MSH3: variants seen among roughly 807,000 people sequenced by gnomAD.
The protein encoded by MSH3 is mutS homolog 3, also known as DNA mismatch repair protein Msh3.
A neutral mutation model predicts 123.3 loss-of-function variants in MSH3; 106 were observed. The ratio of observed to expected loss-of-function variants is 0.86; its 90% confidence interval spans 0.73 to 1.01. MSH3 has a LOEUF of 1.01. Among genes scored for constraint, MSH3 ranks in the 50% least tolerant of loss-of-function variants. The probability of loss-of-function intolerance (pLI) is 0.00; values close to 1 mark genes in which losing one functional copy is unlikely to be tolerated. For missense variants in MSH3, 1,459 were observed against 1,347.6 expected, an observed-to-expected ratio of 1.08 and a Z score of -1.29; for synonymous variants, 515 against 481.4, an observed-to-expected ratio of 1.07 and a Z score of -0.91.
chr5:80,850,176 A>T (rs933979984), intron 20 of MSH3, among the ~76,000 whole-genome samples: 11 of 152,118 alleles, frequency 7.2e-5, no homozygotes, highest in African/African-American at 2.7e-4. Flanking sequence ...ATCTGAGACC[A>T]CCTCAGCCTG....
intron 12 of MSH3, among the ~76,000 whole-genome samples, chr5:80,750,737 A>G (rs1482191667): frequency 6.6e-6 from 1 of 152,062 alleles, no homozygotes; most frequent in Non-Finnish European, 1.5e-5. Flanking sequence ...ATGCAATCCC[A>G]TTCGTCTGTT....
intron 1 of MSH3, 112 bp downstream of exon 1, chr5:80,655,076 G>A (rs1387020204): frequency 3.2e-6 from 2 of 628,592 alleles, no homozygotes; most frequent in Non-Finnish European, 5.1e-6. Flanking sequence ...GGAGGAGGAA[G>A]GGGCGGGCTG....
At chr5:80,740,450 C>T (rs556565687) in intron 10 of MSH3, among the ~76,000 whole-genome samples, 29 of 151,918 alleles carry the variant, frequency 1.9e-4, no homozygotes, top group Middle Eastern at 3.4e-3. Context: ...CTCCGCCTCC[C>T]GGGTTCAAGC....
intron 20 of MSH3, among the ~76,000 whole-genome samples, chr5:80,823,345 G>A (rs772090377): frequency 2.0e-4 from 30 of 152,130 alleles, no homozygotes; most frequent in Non-Finnish European, 3.8e-4. Context: ...ATGCTTACAT[G>A]GTCACTGTCT....
At chr5:80,661,008 A>G (rs1472230091) in intron 2 of MSH3, among the ~76,000 whole-genome samples, 3 of 152,090 alleles carry the variant, frequency 2.0e-5, no homozygotes, top group African/African-American at 4.8e-5. Flanking sequence ...CATGTTGGCC[A>G]TGTTGGTCTT....
At chr5:80,686,896 G>T (rs1750105555) in intron 8 of MSH3, among the ~76,000 whole-genome samples, 1 of 152,132 alleles carries the variant, frequency 6.6e-6, no homozygotes, top group Non-Finnish European at 1.5e-5. Context: ...CAAAAGAATG[G>T]CTTGGAATTG....
At chr5:80,766,463 G>GC (rs1390007386) in intron 13 of MSH3, among the ~76,000 whole-genome samples, 3 of 146,350 alleles carry the variant, frequency 2.0e-5, no homozygotes, top group Non-Finnish European at 4.5e-5. Context: ...CTCCTGCCTC[G>GC]CCACCTGAGT....
intron 8 of MSH3, among the ~76,000 whole-genome samples, chr5:80,689,748 A>G (rs1009007264): frequency 7.5e-6 from 1 of 133,356 alleles, no homozygotes; most frequent in Admixed American, 7.6e-5. Flanking sequence ...ATTTTATTTT[A>G]TTTTATTTTG....
At chr5:80,810,241 A>G (rs1428638258) in intron 19 of MSH3, among the ~76,000 whole-genome samples, 2 of 147,666 alleles carry the variant, frequency 1.4e-5, no homozygotes, top group Admixed American at 6.8e-5. Flanking sequence ...AAAAAGGTAC[A>G]TTAATGTCTC....
intron 13 of MSH3, among the ~76,000 whole-genome samples, chr5:80,765,253 A>G (rs919086606): frequency 4.6e-5 from 7 of 152,222 alleles, no homozygotes; most frequent in Admixed American, 3.9e-4. Context: ...CAATAATCAT[A>G]AGAGGTTAAT....
At position 80,714,440 on chromosome 5, in the gene MSH3, T is replaced by C. The variant is rs192669080; in HGVS notation, c.1341-11013T>C. Among the ~76,000 whole-genome samples the C allele has an allele frequency of 2.0e-4, 30 of 152,228 alleles. No homozygotes were observed. In the East Asian group the frequency reaches 5.8e-3, roughly 29 times the overall value. On this transcript the variant is annotated intron_variant, in intron 8 of 23. Coordinates refer to ENST00000265081, the MANE Select transcript of MSH3 (RefSeq NM_002439.5). ...TATGAGCCACCACGTCTGGCCCAAA[T>C]AGACTTTTGTTTCAGAGATACAGTG...
chr5:80,807,106 C>T (rs1744904097), intron 19 of MSH3, among the ~76,000 whole-genome samples: 1 of 147,990 alleles, frequency 6.8e-6, no homozygotes, highest in Non-Finnish European at 1.5e-5. Flanking sequence ...GCAGGAAGAT[C>T]TCTTGAGCCC....
chr5:80,723,802 G>C (rs910415430), intron 8 of MSH3, among the ~76,000 whole-genome samples: 1 of 151,368 alleles, frequency 6.6e-6, no homozygotes, highest in Non-Finnish European at 1.5e-5. Context: ...TTTCACTCTT[G>C]CTCAGGCTGG....
At chr5:80,684,361 T>C (rs1037518535) in intron 8 of MSH3, among the ~76,000 whole-genome samples, 2 of 152,172 alleles carry the variant, frequency 1.3e-5, no homozygotes, top group Non-Finnish European at 2.9e-5. Flanking sequence ...TTTACATCAG[T>C]GTTTTATAGT....
At chr5:80,739,082 A>G (rs1743565416) in intron 10 of MSH3, among the ~76,000 whole-genome samples, 1 of 152,236 alleles carries the variant, frequency 6.6e-6, no homozygotes, top group East Asian at 1.9e-4. Flanking sequence ...TATAACCCAA[A>G]TAAACAAAGA....
chr5:80,858,873 A>G (rs1242941883), intron 21 of MSH3, among the ~76,000 whole-genome samples: 2 of 152,120 alleles, frequency 1.3e-5, no homozygotes, highest in Admixed American at 1.3e-4. Context: ...TGCCTCATGT[A>G]GTTTGACATT....
At chr5:80,845,968 T>C (rs1745712987) in intron 20 of MSH3, among the ~76,000 whole-genome samples, 1 of 152,158 alleles carries the variant, frequency 6.6e-6, no homozygotes, top group South Asian at 2.1e-4. Context: ...TGCAATCCTT[T>C]GGAGGAGAAG....
At position 80,744,519 on chromosome 5, in the gene MSH3, C is replaced by T. The variant is rs1199212284; in HGVS notation, c.1667C>T (p.Thr556Ile). Residue 556 changes from threonine to isoleucine, a missense_variant, in exon 12 of 24, where the codon ACC (threonine) becomes ATC (isoleucine). Transcript: ENST00000265081. Reference sequence around the variant, plus strand: ...GGTCTTTCTTAGACTGATATGAAAACCAAAGGAAGTTTGCTGTGGGTTTTA... The same window carrying T: ...GGTCTTTCTTAGACTGATATGAAAATCAAAGGAAGTTTGCTGTGGGTTTTA... The part of the protein sequence containing the change: ...EILQNQTDMK[T>I]KGSLLWVLDH... 7 of 1,612,964 alleles carry T rather than the reference C, an allele frequency of 4.3e-6. No homozygotes were observed. Among genetic ancestry groups the T allele is most frequent in the South Asian group, 2.2e-5 (2 of 90,886 alleles).
chr5:80,870,174 CAAAA>C (rs745491509), intron 22 of MSH3, among the ~76,000 whole-genome samples: 2 of 105,878 alleles, frequency 1.9e-5, no homozygotes, highest in Non-Finnish European at 1.9e-5. Flanking sequence ...AACTCCGTCT[CAAAA>C]AAAAAAAAAA....
Sources: allele counts gnomAD v4.1 joint callset (sites outside exome capture counted in the v4.1 genomes callset), GRCh38; gene constraint gnomAD v4.1.1; transcripts MANE v1.5; gene names NCBI Gene and HGNC (gene_info 2026-07-23, HGNC 2026-07-21).